OTOGL: variants seen among roughly 807,000 people sequenced by gnomAD.
OTOGL encodes the protein otogelin like.
A neutral mutation model predicts 318.5 loss-of-function variants in OTOGL; 285 were observed. That is an observed-to-expected ratio of 0.89 (90% CI 0.81 to 0.99). The LOEUF is 0.99. OTOGL is among the 50% of genes least tolerant of loss of function. OTOGL has a pLI of 0.00. For synonymous variants in OTOGL, 987 were observed against 936.5 expected, an observed-to-expected ratio of 1.05 and a Z score of -0.99; for missense variants, 2,899 against 2,845.6, an observed-to-expected ratio of 1.02 and a Z score of -0.43.
intron 24 of OTOGL, 75 bp downstream of exon 24, chr12:80,271,885 T>C: frequency 6.8e-7 from 1 of 1,476,224 alleles, no homozygotes; most frequent in African/African-American, 1.4e-5. Flanking sequence ...ACATTCTTTA[T>C]AGAAATAGCC....
At chr12:80,290,054 T>G (rs1296354852) in intron 26 of OTOGL, among the ~76,000 whole-genome samples, 1 of 152,186 alleles carries the variant, frequency 6.6e-6, no homozygotes, top group African/African-American at 2.4e-5. Context: ...TCTCCTGGTT[T>G]GTGGGTTGCA....
At chr12:80,336,847 A>G in intron 41 of OTOGL, 27 bp downstream of exon 41, 1 of 1,537,668 alleles carries the variant, frequency 6.5e-7, no homozygotes, top group South Asian at 1.2e-5. Context: ...TGTTTAGTAC[A>G]TTCATTCTGT....
At chr12:80,187,923 C>A (rs374134221) in intron 1 of OTOGL, among the ~76,000 whole-genome samples, 1 of 152,282 alleles carries the variant, frequency 6.6e-6, no homozygotes, top group East Asian at 1.9e-4. Flanking sequence ...GCTGCCCCTT[C>A]GTTTTTGAAA....
rs549616473 is a variant in OTOGL at position 80,218,768 on chromosome 12, T to C, written c.236-1046T>C. Among the ~76,000 whole-genome samples, 335 of 151,084 alleles carry C rather than the reference T, an allele frequency of 2.2e-3. 1 individual carries two copies. Among genetic ancestry groups the C allele is most frequent in the African/African-American group, 7.9e-3 (325 of 41,314 alleles). On this transcript the variant is annotated intron_variant, in intron 5 of 58. Coordinates refer to ENST00000547103, the MANE Select transcript of OTOGL (RefSeq NM_001378609.3). ...CTTCTGCTTCATCAAAATTTAAGTA[T>C]AGATTTCTTTTTTTTTCTTTTTCTT...
intron 1 of OTOGL, among the ~76,000 whole-genome samples, chr12:80,169,553 AT>A (rs1329675192): frequency 6.6e-6 from 1 of 151,970 alleles, no homozygotes; most frequent in Non-Finnish European, 1.5e-5. Flanking sequence ...GTGTGACACA[AT>A]TTTTTTTGCT....
chr12:80,170,818 G>T (rs2137216477), intron 1 of OTOGL, among the ~76,000 whole-genome samples: 1 of 152,260 alleles, frequency 6.6e-6, no homozygotes, highest in Admixed American at 6.5e-5. Flanking sequence ...CCAGTCAAAA[G>T]CTTGTCCTTT....
At chr12:80,298,662 G>C (rs71437070) in intron 27 of OTOGL, among the ~76,000 whole-genome samples, 3,002 of 152,228 alleles carry the variant, frequency 0.02, 106 homozygotes, top group African/African-American at 0.067. Context: ...CCACTCAGTA[G>C]AGCAGAGCTG....
intron 1 of OTOGL, among the ~76,000 whole-genome samples, chr12:80,129,887 C>A (rs1386818129): frequency 6.6e-6 from 1 of 152,120 alleles, no homozygotes; most frequent in African/African-American, 2.4e-5. Context: ...ACTTCCATGA[C>A]CCCATATAAA....
chr12:80,254,468 A>G, intron 14 of OTOGL, 56 bp from the exon 15 acceptor site: 2 of 1,418,206 alleles, frequency 1.4e-6, no homozygotes, highest in Non-Finnish European at 1.9e-6. Context: ...CATTGATGCA[A>G]ACATTAATAC....
In OTOGL at chr12:80,317,548, T is replaced by C. The variant is rs557730606; in HGVS notation, c.3635-998T>C. Among the ~76,000 whole-genome samples the C allele has an allele frequency of 7.9e-5, 12 of 152,292 alleles. No homozygotes were observed. The East Asian group carries it at 2.3e-3, about 29-fold the overall frequency. Reference sequence around the variant, plus strand: ...GGTGCTTCAAGTCCTCAAGTTGTAGTTGCATACACATCTTCTCCATTCTGA... The same window carrying C: ...GGTGCTTCAAGTCCTCAAGTTGTAGCTGCATACACATCTTCTCCATTCTGA... On this transcript the variant is annotated intron_variant, in intron 32 of 58. Transcript: ENST00000547103.
At chr12:80,228,414 C>T (rs1879069617) in intron 7 of OTOGL, among the ~76,000 whole-genome samples, 2 of 151,968 alleles carry the variant, frequency 1.3e-5, no homozygotes, top group Non-Finnish European at 2.9e-5. Flanking sequence ...TGCACTCCAG[C>T]GTGGGTGACA....
chr12:80,323,125 C>T (rs1887447972), intron 34 of OTOGL, among the ~76,000 whole-genome samples: 2 of 126,072 alleles, frequency 1.6e-5, no homozygotes, highest in Non-Finnish European at 3.6e-5. Flanking sequence ...CACACACACA[C>T]ACACACACAC....
At chr12:80,185,548 G>A (rs536284936) in intron 1 of OTOGL, among the ~76,000 whole-genome samples, 204 of 152,182 alleles carry the variant, frequency 1.3e-3, no homozygotes, top group African/African-American at 4.7e-3. Flanking sequence ...CTTGGCCTCC[G>A]AAAGTACTGG....
chr12:80,239,454 T>G lies in OTOGL; in HGVS notation c.1052+15T>G. 6.6e-7 allele frequency: 1 copy of G among 1,504,696 alleles called. No homozygotes were observed. Among genetic ancestry groups the G allele is most frequent in the Non-Finnish European group, 9.0e-7 (1 of 1,111,828 alleles). The allele number at this position is 1,504,696 out of a possible 1,614,324, so 93.2% of individuals were successfully genotyped here. ...GATCTTTGCAAGTAAGTGAAATGAC[T>G]TGTAGTTGTAATAAAATTTTCTTTA... is the stretch of plus-strand genomic sequence containing the variant. On this transcript the variant is annotated intron_variant, in intron 11 of 58. Transcript: ENST00000547103.
intron 26 of OTOGL, among the ~76,000 whole-genome samples, chr12:80,283,126 T>C (rs1270007359): frequency 2.0e-5 from 3 of 152,000 alleles, no homozygotes; most frequent in Non-Finnish European, 4.4e-5. Context: ...AGTTCCAAAT[T>C]GATGTGTAGA....
chr12:80,235,938 A>G (rs1375303052), intron 9 of OTOGL, among the ~76,000 whole-genome samples: 2 of 152,202 alleles, frequency 1.3e-5, no homozygotes, highest in East Asian at 1.9e-4. Context: ...GAAAATGTCT[A>G]TAGATGAGCA....
At chr12:80,229,530 G>C (rs1222280924) in intron 8 of OTOGL, among the ~76,000 whole-genome samples, 152 bp downstream of exon 8, 1 of 152,102 alleles carries the variant, frequency 6.6e-6, no homozygotes, top group Non-Finnish European at 1.5e-5. Flanking sequence ...CAAAACTTCG[G>C]TAGGCTCTGA....
chr12:80,174,860 C>T (rs1173618857), intron 1 of OTOGL, among the ~76,000 whole-genome samples: 1 of 151,822 alleles, frequency 6.6e-6, no homozygotes, highest in African/African-American at 2.4e-5. Context: ...ATGTGTTGCC[C>T]ACTTCTCATT....
chr12:80,197,345 G>T (rs543448711), intron 1 of OTOGL, among the ~76,000 whole-genome samples: 1 of 152,112 alleles, frequency 6.6e-6, no homozygotes, highest in East Asian at 1.9e-4. Context: ...ATTTGGCCCA[G>T]CCTCCCAAGT....
Sources: allele counts gnomAD v4.1 joint callset (sites outside exome capture counted in the v4.1 genomes callset), GRCh38; gene constraint gnomAD v4.1.1; transcripts MANE v1.5; gene names NCBI Gene and HGNC (gene_info 2026-07-23, HGNC 2026-07-21).